ZNF407: variants seen among roughly 807,000 people sequenced by gnomAD.
ZNF407 encodes the protein zinc finger protein 407.
A neutral mutation model predicts 131.2 loss-of-function variants in ZNF407; 17 were observed. The observed-to-expected ratio is 0.13, with a 90% CI of 0.09 to 0.19. The LOEUF (loss-of-function observed/expected upper bound fraction) is 0.19. Among genes scored for constraint, ZNF407 ranks in the 10% least tolerant of loss-of-function variants. ZNF407 has a pLI of 1.00. For missense variants in ZNF407, 2,681 were observed against 2,830.6 expected (o/e 0.95, Z 1.20); for synonymous variants, 1,156 against 1,062.0 (o/e 1.09, Z -1.72).
rs183779709 is a variant in ZNF407 at position 74,734,481 on chromosome 18, G to T, written c.4803-46947G>T. ...ATTTTAAAGTAAAAACAGAATATCT[G>T]TAGTATGATAGTTTTCTCTTCTATA... On this transcript the variant is annotated intron_variant, in intron 3 of 8. Coordinates refer to ENST00000299687, the MANE Select transcript of ZNF407 (RefSeq NM_017757.3). Among the ~76,000 whole-genome samples the T allele has an allele frequency of 1.4e-4, 22 of 152,284 alleles. No individual in the cohort carries two copies. The East Asian group carries it at 3.9e-3, about 27-fold the overall frequency.
chr18:75,012,944 C>CT (rs748220788), intron 8 of ZNF407, among the ~76,000 whole-genome samples: 44 of 58,104 alleles, frequency 7.6e-4, no homozygotes, highest in Middle Eastern at 6.0e-3. Flanking sequence ...AGAAAGGGTC[C>CT]TTTTTTAAAA....
chr18:74,938,171 G>A (rs1349916121), intron 8 of ZNF407, among the ~76,000 whole-genome samples: 1 of 152,052 alleles, frequency 6.6e-6, no homozygotes, highest in Non-Finnish European at 1.5e-5. Context: ...CCTTATTTAT[G>A]ACCTTCTTTT....
chr18:74,798,961 C>A (rs1413940705), intron 4 of ZNF407, among the ~76,000 whole-genome samples: 1 of 151,900 alleles, frequency 6.6e-6, no homozygotes, highest in Non-Finnish European at 1.5e-5. Context: ...TGGTTTACTA[C>A]CTTTTGTCTT....
chr18:74,765,026 A>G (rs191232853), intron 3 of ZNF407, among the ~76,000 whole-genome samples: 577 of 152,304 alleles, frequency 3.8e-3, no homozygotes, highest in Non-Finnish European at 6.0e-3. Context: ...GAAGAAAATC[A>G]TAGTAAAAGT....
intron 4 of ZNF407, among the ~76,000 whole-genome samples, chr18:74,837,526 T>A (rs1244350540): frequency 6.6e-6 from 1 of 152,198 alleles, no homozygotes; most frequent in Non-Finnish European, 1.5e-5. Context: ...ATATTATTCA[T>A]CAGGATGCTA....
chr18:74,864,694 G>A (rs1274961882), intron 4 of ZNF407, among the ~76,000 whole-genome samples: 1 of 152,142 alleles, frequency 6.6e-6, no homozygotes, highest in Non-Finnish European at 1.5e-5. Flanking sequence ...ATTATTTAGG[G>A]AGTGTGTGAA....
intron 8 of ZNF407, among the ~76,000 whole-genome samples, chr18:75,055,330 A>G (rs565162847): frequency 6.6e-6 from 1 of 152,296 alleles, no homozygotes; most frequent in African/African-American, 2.4e-5. Flanking sequence ...TTCCAAAGGT[A>G]CATGGTTGTG....
intron 7 of ZNF407, among the ~76,000 whole-genome samples, chr18:74,895,960 G>A (rs1971448437): frequency 6.6e-6 from 1 of 152,160 alleles, no homozygotes; most frequent in Non-Finnish European, 1.5e-5. Flanking sequence ...TAGAACAAAT[G>A]TGGTTTTGCC....
At chr18:74,809,543 T>C (rs1970163895) in intron 4 of ZNF407, among the ~76,000 whole-genome samples, 1 of 152,200 alleles carries the variant, frequency 6.6e-6, no homozygotes, top group South Asian at 2.1e-4. Context: ...GCAAGGTAGA[T>C]GATGGGCAAG....
chr18:75,054,304 G>A (rs1973536481), intron 8 of ZNF407, among the ~76,000 whole-genome samples: 1 of 152,212 alleles, frequency 6.6e-6, no homozygotes, highest in African/African-American at 2.4e-5. Context: ...TGATTTTAAT[G>A]ATGCCTCTGT....
At chr18:74,840,657 G>C (rs1320009592) in intron 4 of ZNF407, among the ~76,000 whole-genome samples, 2 of 152,058 alleles carry the variant, frequency 1.3e-5, no homozygotes, top group African/African-American at 4.8e-5. Flanking sequence ...GGCACTACAG[G>C]CATGCCCCAC....
chr18:74,686,347 A>G (rs189650368), intron 3 of ZNF407, among the ~76,000 whole-genome samples: 1 of 152,292 alleles, frequency 6.6e-6, no homozygotes, highest in Admixed American at 6.5e-5. Context: ...TGCATCATCT[A>G]CTTCATAACC....
chr18:74,935,374 C>T (rs1972028368), intron 8 of ZNF407, among the ~76,000 whole-genome samples: 6 of 152,108 alleles, frequency 3.9e-5, no homozygotes. Context: ...AGCATCTGGT[C>T]AACACTGAAA....
At chr18:74,660,253 T>A (rs933080415) in intron 3 of ZNF407, among the ~76,000 whole-genome samples, 3 of 152,112 alleles carry the variant, frequency 2.0e-5, no homozygotes, top group Non-Finnish European at 2.9e-5. Context: ...AGATTTTTTT[T>A]ATTCATCATT....
intron 3 of ZNF407, among the ~76,000 whole-genome samples, chr18:74,774,774 G>C (rs571228538): frequency 6.6e-6 from 1 of 152,172 alleles, no homozygotes; most frequent in Non-Finnish European, 1.5e-5. Context: ...TACTGAGTCA[G>C]TATTTTCTTG....
chr18:74,995,018 A>G (rs1972764073), intron 8 of ZNF407, among the ~76,000 whole-genome samples: 1 of 152,258 alleles, frequency 6.6e-6, no homozygotes. Context: ...TAAGCAGGCT[A>G]GAAATCTTTA....
At chr18:74,606,868 A>G (rs1342653837) in intron 1 of ZNF407, among the ~76,000 whole-genome samples, 2 of 152,240 alleles carry the variant, frequency 1.3e-5, no homozygotes, top group Non-Finnish European at 1.5e-5. Context: ...AGACTAGTTG[A>G]TGAGGAAATT....
At chr18:74,938,288 G>A (rs780145652) in intron 8 of ZNF407, among the ~76,000 whole-genome samples, 4 of 152,100 alleles carry the variant, frequency 2.6e-5, no homozygotes, top group Non-Finnish European at 5.9e-5. Context: ...TGTATTTAGG[G>A]CCGTTATAGT....
chr18:74,842,413 T>C (rs894654701), intron 4 of ZNF407, among the ~76,000 whole-genome samples: 4 of 152,236 alleles, frequency 2.6e-5, no homozygotes, highest in Non-Finnish European at 5.9e-5. Context: ...CAAAAATTTT[T>C]AAATTCCTAC....
Sources: allele counts gnomAD v4.1 joint callset (sites outside exome capture counted in the v4.1 genomes callset), GRCh38; gene constraint gnomAD v4.1.1; transcripts MANE v1.5; gene names NCBI Gene and HGNC (gene_info 2026-07-23, HGNC 2026-07-21).